The following MEI4 variants were observed in gnomAD, a reference collection of about 807,000 sequenced individuals.
The protein encoded by MEI4 is meiotic double-stranded break formation protein 4.
MEI4 carries 27 observed loss-of-function variants against 31.4 expected under a neutral mutation model. That is an observed-to-expected ratio of 0.86 (90% CI 0.63 to 1.19). MEI4 has a LOEUF of 1.19. Among genes scored for constraint, MEI4 ranks in the 50% most tolerant of loss-of-function variants. The pLI is 0.00. For missense variants in MEI4, 329 were observed against 398.9 expected, an observed-to-expected ratio of 0.82 and a Z score of 1.49; for synonymous variants, 122 against 145.4, an observed-to-expected ratio of 0.84 and a Z score of 1.16.
chr6:77,841,845 A>T (rs1367123141), intron 4 of MEI4, among the ~76,000 whole-genome samples: 1 of 152,180 alleles, frequency 6.6e-6, no homozygotes, highest in Admixed American at 6.5e-5. Context: ...CAGGGTAAAG[A>T]GAGATATTAC....
At chr6:77,841,333 A>ATATATAT in intron 4 of MEI4, among the ~76,000 whole-genome samples, 2 of 27,746 alleles carry the variant, frequency 7.2e-5, no homozygotes, top group African/African-American at 6.5e-4. Flanking sequence ...ATATATATAT[A>ATATATAT]TTTTTTTTTT....
At chr6:77,747,261 G>A (rs1389333045) in intron 2 of MEI4, among the ~76,000 whole-genome samples, 2 of 152,200 alleles carry the variant, frequency 1.3e-5, no homozygotes, top group Middle Eastern at 3.4e-3. Context: ...GTAGTGAGCC[G>A]AGATTGTGCC....
intron 3 of MEI4, among the ~76,000 whole-genome samples, chr6:77,801,981 T>A (rs1270055590): frequency 6.6e-6 from 1 of 152,184 alleles, no homozygotes; most frequent in African/African-American, 2.4e-5. Flanking sequence ...AGATGTGTAT[T>A]AGGTCCGCTT....
At chr6:77,845,111 T>A (rs551864508) in intron 4 of MEI4, among the ~76,000 whole-genome samples, 2 of 152,236 alleles carry the variant, frequency 1.3e-5, no homozygotes, top group Admixed American at 1.3e-4. Context: ...TTCAGCTTTA[T>A]GTGGGTGCCT....
chr6:77,850,012 T>A (rs1770577550), intron 4 of MEI4, among the ~76,000 whole-genome samples: 1 of 152,164 alleles, frequency 6.6e-6, no homozygotes, highest in Admixed American at 6.5e-5. Context: ...ATGTTAAACA[T>A]GTTCAAATTA....
chr6:77,731,223 A>T (rs1458498708), intron 2 of MEI4, among the ~76,000 whole-genome samples: 1 of 148,870 alleles, frequency 6.7e-6, no homozygotes, highest in African/African-American at 2.5e-5. Flanking sequence ...ACAATGGTTG[A>T]ACTAGTTTAC....
At chr6:77,662,703 G>C (rs1368566768) in intron 1 of MEI4, among the ~76,000 whole-genome samples, 1 of 152,138 alleles carries the variant, frequency 6.6e-6, no homozygotes, top group Admixed American at 6.5e-5. Flanking sequence ...AAGGCTACAG[G>C]GTGTGGTCCT....
chr6:77,797,528 TA>T (rs1470874327), intron 3 of MEI4, among the ~76,000 whole-genome samples: 2 of 152,070 alleles, frequency 1.3e-5, no homozygotes, highest in African/African-American at 2.4e-5. Flanking sequence ...AGTGTGAGTC[TA>T]AAAGCCTCAA....
chr6:77,919,245 G>C (rs1766642354), intron 4 of MEI4, among the ~76,000 whole-genome samples: 1 of 151,880 alleles, frequency 6.6e-6, no homozygotes, highest in African/African-American at 2.4e-5. Flanking sequence ...CACATACTTG[G>C]AAGTAAAGCT....
At chr6:77,747,875 G>A (rs559561751) in intron 2 of MEI4, among the ~76,000 whole-genome samples, 1 of 152,164 alleles carries the variant, frequency 6.6e-6, no homozygotes, top group Non-Finnish European at 1.5e-5. Flanking sequence ...ATACAATGGG[G>A]GTACTGGTGT....
chr6:77,821,547 G>A (rs925233005), intron 3 of MEI4, among the ~76,000 whole-genome samples: 4 of 152,114 alleles, frequency 2.6e-5, no homozygotes, highest in Non-Finnish European at 4.4e-5. Context: ...TGTAATCCCA[G>A]CACTTTGGGA....
chr6:77,847,161 G>A lies in MEI4; in HGVS notation c.900+18099G>A, dbSNP rs749137174. Reference sequence around the variant, plus strand: ...ATGAGTTTAAATAAAAGATTCAGTGGTACTTTCTCTCAATGTTCTGAAATG... The same window carrying A: ...ATGAGTTTAAATAAAAGATTCAGTGATACTTTCTCTCAATGTTCTGAAATG... On this transcript the variant is annotated intron_variant, in intron 4 of 4. Transcript: ENST00000684080. The surrounding 1 kb of genome is among the most constrained non-coding windows in gnomAD (Gnocchi z 4.6). Among the ~76,000 whole-genome samples the A allele has an allele frequency of 1.3e-5, 2 of 152,078 alleles. No individual in the cohort carries two copies. Among genetic ancestry groups the A allele is most frequent in the African/African-American group, 2.4e-5 (1 of 41,396 alleles).
chr6:77,873,209 A>T lies in MEI4; in HGVS notation c.900+44147A>T, dbSNP rs916025393. On this transcript the variant is annotated intron_variant, in intron 4 of 4. Transcript: ENST00000684080. ...TTCCACAATGGTTGAACTAGTTTAC[A>T]GTCCCACCAACAGTGTAAAAGTGTT... Among the ~76,000 whole-genome samples, 53 of 152,350 alleles carry T rather than the reference A, an allele frequency of 3.5e-4. 1 individual carries two copies. The highest frequency in any genetic ancestry group is 1.3e-3 in the African/African-American group (52 of 41,596).
intron 3 of MEI4, among the ~76,000 whole-genome samples, chr6:77,786,392 C>G (rs1044037577): frequency 6.6e-6 from 1 of 151,934 alleles, no homozygotes; most frequent in Admixed American, 6.6e-5. Context: ...TTAATAATTT[C>G]CTTTAAAGGA....
chr6:77,859,553 G>A (rs55803471), intron 4 of MEI4, among the ~76,000 whole-genome samples: 219 of 152,060 alleles, frequency 1.4e-3, no homozygotes, highest in African/African-American at 5.1e-3. Context: ...TTTAATAATC[G>A]CCATTCTGAG....
intron 2 of MEI4, among the ~76,000 whole-genome samples, chr6:77,708,546 T>G (rs66655182): frequency 3.9e-5 from 6 of 152,076 alleles, no homozygotes; most frequent in African/African-American, 1.4e-4. Flanking sequence ...GACATGAAAT[T>G]TGGGGTGCCA....
chr6:77,707,753 T>C (rs1242244236), intron 2 of MEI4, among the ~76,000 whole-genome samples: 1 of 152,228 alleles, frequency 6.6e-6, no homozygotes, highest in Non-Finnish European at 1.5e-5. Context: ...AGCTACTCAC[T>C]GCATCCCTGC....
chr6:77,810,733 CATAA>C (rs1315888760), intron 3 of MEI4, among the ~76,000 whole-genome samples: 9 of 152,060 alleles, frequency 5.9e-5, no homozygotes. Flanking sequence ...AAGGTTAATA[CATAA>C]ATAGCCACAA....
intron 3 of MEI4, among the ~76,000 whole-genome samples, chr6:77,782,570 A>AT (rs949657258): frequency 3.3e-5 from 5 of 152,142 alleles, no homozygotes; most frequent in Admixed American, 6.6e-5. Flanking sequence ...GAGCCTTTTT[A>AT]TTTTTTCATA....
Sources: gnomAD v4.1 joint callset for allele counts (sites outside exome capture counted in the v4.1 genomes callset) on GRCh38, gnomAD v4.1.1 for gene constraint, Gnocchi (gnomAD v3.1) non-coding constraint, MANE v1.5 for transcripts, NCBI Gene and HGNC (gene_info 2026-07-23, HGNC 2026-07-21) for gene names.